Variants in UVRAG observed in about 807,000 individuals in gnomAD.
UVRAG encodes the protein UV radiation resistance associated, also known as UV radiation resistance-associated gene protein.
A neutral mutation model predicts 78.0 loss-of-function variants in UVRAG; 19 were observed. The ratio of observed to expected loss-of-function variants is 0.24; its 90% CI spans 0.17 to 0.36. The LOEUF is 0.36. UVRAG is among the 10% of genes least tolerant of loss of function. UVRAG has a pLI of 1.00. For synonymous variants in UVRAG, 323 were observed against 324.6 expected (o/e 1.00, Z 0.05); for missense variants, 740 against 853.8 (o/e 0.87, Z 1.66).
intron 14 of UVRAG, among the ~76,000 whole-genome samples, chr11:76,121,895 C>T (rs544354381): frequency 6.6e-5 from 10 of 152,268 alleles, no homozygotes; most frequent in Admixed American, 6.5e-4. Flanking sequence ...CCCTCAGTAG[C>T]TTAGAGTCAC....
At chr11:75,876,621 T>A (rs951138455) in intron 3 of UVRAG, among the ~76,000 whole-genome samples, 12 of 151,910 alleles carry the variant, frequency 7.9e-5, no homozygotes, top group Admixed American at 2.0e-4. Context: ...ACTGCATAAA[T>A]GTGTGTGCTA....
chr11:75,910,465 T>A (rs943253276), intron 5 of UVRAG, among the ~76,000 whole-genome samples: 1 of 151,922 alleles, frequency 6.6e-6, no homozygotes, highest in Non-Finnish European at 1.5e-5. Context: ...AGTCTTTTTT[T>A]CTAAATTACT....
chr11:75,816,969 A>G (rs1225017617), intron 1 of UVRAG, among the ~76,000 whole-genome samples: 2 of 152,206 alleles, frequency 1.3e-5, no homozygotes, highest in South Asian at 2.1e-4. Flanking sequence ...TGTGACTACT[A>G]CCGAAGAGGA....
intron 5 of UVRAG, among the ~76,000 whole-genome samples, chr11:75,897,871 A>ATTTTTTTTGTTTT (rs1947379452): frequency 9.2e-6 from 1 of 108,898 alleles, no homozygotes; most frequent in African/African-American, 4.0e-5. Context: ...TAGCTCTTTA[A>ATTTTTTTTGTTTT]TTTTTTTTTT....
chr11:75,896,626 A>G (rs761623283), intron 5 of UVRAG, among the ~76,000 whole-genome samples: 34 of 152,314 alleles, frequency 2.2e-4, no homozygotes, highest in Non-Finnish European at 4.4e-4. Flanking sequence ...TATTAACACT[A>G]TATCTCTAGC....
At chr11:75,861,982 T>A (rs1404913070) in intron 3 of UVRAG, among the ~76,000 whole-genome samples, 2 of 152,122 alleles carry the variant, frequency 1.3e-5, no homozygotes, top group East Asian at 1.9e-4. Context: ...ATTTACTGAA[T>A]GAAATGACAA....
At chr11:75,965,804 C>A (rs1044694807) in intron 7 of UVRAG, among the ~76,000 whole-genome samples, 5 of 152,026 alleles carry the variant, frequency 3.3e-5, no homozygotes, top group Admixed American at 3.3e-4. Context: ...TTAACTTATT[C>A]ATTATGCTAG....
rs1398216667 is a variant in UVRAG at position 76,142,906 on chromosome 11, G to A, written c.*1493G>A. The A allele has an allele frequency of 6.6e-6, 1 of 152,294 alleles. No individual in the cohort carries two copies. Among genetic ancestry groups the A allele is most frequent in the Admixed American group, 6.5e-5 (1 of 15,282 alleles). 9.4% of individuals were successfully genotyped at this position (152,294 alleles called of 1,614,324 possible). Reference sequence around the variant, plus strand: ...TTTATTTTGTGTCCAAGCATTCCTGGGCTCAAGTTTAATGTATAGCTACAT... The same window carrying A: ...TTTATTTTGTGTCCAAGCATTCCTGAGCTCAAGTTTAATGTATAGCTACAT... On this transcript the variant is annotated 3_prime_UTR_variant, in exon 15 of 15. Transcript: ENST00000356136.
intron 12 of UVRAG, among the ~76,000 whole-genome samples, chr11:76,039,065 G>A (rs1439970526): frequency 6.6e-6 from 1 of 152,206 alleles, no homozygotes; most frequent in Non-Finnish European, 1.5e-5. Flanking sequence ...AAGCTGCTAA[G>A]CTTGTTTTAT....
intron 1 of UVRAG, among the ~76,000 whole-genome samples, chr11:75,837,806 C>A (rs1945818281): frequency 6.6e-6 from 1 of 152,172 alleles, no homozygotes; most frequent in Non-Finnish European, 1.5e-5. Context: ...CTATATATTC[C>A]ATTCTAAGAA....
intron 2 of UVRAG, among the ~76,000 whole-genome samples, chr11:75,854,274 C>A (rs1946235208): frequency 6.6e-6 from 1 of 152,114 alleles, no homozygotes; most frequent in Non-Finnish European, 1.5e-5. Context: ...GTTTGGGCTG[C>A]TGGTGTCCTC....
At chr11:76,013,482 C>T (rs1251569981) in intron 11 of UVRAG, among the ~76,000 whole-genome samples, 3 of 152,186 alleles carry the variant, frequency 2.0e-5, no homozygotes. Flanking sequence ...ACCCCCAGAA[C>T]AGCATAAGGT....
At chr11:75,925,913 C>T (rs1387190644) in intron 6 of UVRAG, among the ~76,000 whole-genome samples, 3 of 152,160 alleles carry the variant, frequency 2.0e-5, no homozygotes, top group Non-Finnish European at 2.9e-5. Flanking sequence ...GTAAGTCATG[C>T]AGAGTCTGAG....
At chr11:76,107,031 C>T (rs1333175265) in intron 13 of UVRAG, among the ~76,000 whole-genome samples, 1 of 152,108 alleles carries the variant, frequency 6.6e-6, no homozygotes, top group African/African-American at 2.4e-5. Flanking sequence ...TTGCAATGTG[C>T]GTTACTAATC....
intron 3 of UVRAG, among the ~76,000 whole-genome samples, chr11:75,870,318 T>C (rs1030550925): frequency 5.3e-5 from 8 of 152,228 alleles, no homozygotes; most frequent in Non-Finnish European, 7.3e-5. Context: ...TTCAACCACA[T>C]GAAATAACTT....
intron 5 of UVRAG, among the ~76,000 whole-genome samples, chr11:75,892,754 T>TA (rs1451202735): frequency 1.3e-5 from 2 of 152,140 alleles, no homozygotes; most frequent in South Asian, 4.1e-4. Flanking sequence ...GACTGAACCT[T>TA]AAAAAACCTT....
At chr11:75,968,757 C>G (rs1029366203) in intron 7 of UVRAG, among the ~76,000 whole-genome samples, 1 of 152,158 alleles carries the variant, frequency 6.6e-6, no homozygotes, top group African/African-American at 2.4e-5. Flanking sequence ...AGGTAGAATT[C>G]AATTTACATA....
chr11:75,889,684 C>T (rs1947174327), intron 5 of UVRAG, among the ~76,000 whole-genome samples: 1 of 152,184 alleles, frequency 6.6e-6, no homozygotes, highest in Non-Finnish European at 1.5e-5. Flanking sequence ...TATTCAACAA[C>T]ATTTTATTGA....
At chr11:76,026,120 G>C (rs1382573197) in intron 12 of UVRAG, among the ~76,000 whole-genome samples, 1 of 152,068 alleles carries the variant, frequency 6.6e-6, no homozygotes, top group Non-Finnish European at 1.5e-5. Context: ...CTTTCTGATG[G>C]CCTCTTCTTG....
Sources: allele counts gnomAD v4.1 joint callset (sites outside exome capture counted in the v4.1 genomes callset), GRCh38; gene constraint gnomAD v4.1.1; transcripts MANE v1.5; gene names NCBI Gene and HGNC (gene_info 2026-07-23, HGNC 2026-07-21).